Variants in CEP43 observed in about 807,000 individuals in gnomAD.
The protein encoded by CEP43 is centrosomal protein 43, also known as FGFR1 oncogene partner.
CEP43 carries 36 observed loss-of-function variants against 52.6 expected under a neutral mutation model. The observed-to-expected ratio is 0.68, with a 90% CI of 0.52 to 0.90. The LOEUF (loss-of-function observed/expected upper bound fraction) is 0.90. CEP43 is among the 40% of genes least tolerant of loss of function. The probability of loss-of-function intolerance (pLI) is 0.00; values close to 1 mark genes in which losing one functional copy is unlikely to be tolerated. For synonymous variants in CEP43, 192 were observed against 172.4 expected, an observed-to-expected ratio of 1.11 and a Z score of -0.89; for missense variants, 506 against 472.8, an observed-to-expected ratio of 1.07 and a Z score of -0.65.
chr6:167,030,077 G>A (rs1780434620), intron 10 of CEP43, among the ~76,000 whole-genome samples: 1 of 152,212 alleles, frequency 6.6e-6, no homozygotes, highest in Admixed American at 6.5e-5. Flanking sequence ...ATCTTCAATT[G>A]CTTCAGGCCA....
At chr6:167,013,409 G>A in intron 6 of CEP43, 99 bp from the exon 7 acceptor site, 3 of 969,132 alleles carry the variant, frequency 3.1e-6, no homozygotes, top group Non-Finnish European at 4.7e-6. Flanking sequence ...TTCCACTTCT[G>A]AGACATTTTT....
rs1780819972 is a variant in CEP43, at chr6:167,047,719, A to G, written c.*7741A>G. On this transcript the variant is annotated 3_prime_UTR_variant, in exon 13 of 13. Transcript: ENST00000366847. ...TCCTCAAAGCTCTCGCCCCGCGCCG[A>G]GCTACTGTGATGTATTTTTATGACC... 1 of 152,106 alleles carries G rather than the reference A, an allele frequency of 6.6e-6. No individual in the cohort carries two copies. Among genetic ancestry groups the G allele is most frequent in the Non-Finnish European group, 1.5e-5 (1 of 68,016 alleles). 9.4% of individuals were successfully genotyped at this position (152,106 alleles called of 1,614,324 possible).
intron 11 of CEP43, 50 bp downstream of exon 11, chr6:167,032,692 C>T: frequency 6.9e-7 from 1 of 1,454,110 alleles, no homozygotes; most frequent in South Asian, 1.4e-5. Context: ...TATTTGTAAA[C>T]AATTTCCGAA....
At position 167,041,170 on chromosome 6, in the gene CEP43, C is replaced by T. The variant is rs774200596; in HGVS notation, c.*1192C>T. 4 of 1,046,392 alleles carry T rather than the reference C, an allele frequency of 3.8e-6. No homozygotes were observed. The highest frequency in any genetic ancestry group is 4.6e-6 in the Non-Finnish European group (4 of 867,544). 64.8% of individuals were successfully genotyped at this position (1,046,392 alleles called of 1,614,324 possible). ...AGCAAATTAGACCTAATTCATTGAT[C>T]TCGGTTAAGTGAGCAGACTGCATGA... On this transcript the variant is annotated 3_prime_UTR_variant, in exon 13 of 13. Coordinates refer to ENST00000366847, the MANE Select transcript of CEP43 (RefSeq NM_007045.4).
In CEP43 at chr6:167,044,499, T is replaced by C; in HGVS notation, c.*4521T>C. 1 of 985,306 alleles carries C rather than the reference T, an allele frequency of 1.0e-6. No homozygotes were observed. Among genetic ancestry groups the C allele is most frequent in the South Asian group, 4.7e-5 (1 of 21,274 alleles). The allele number at this position is 985,306 out of a possible 1,614,324, so 61.0% of individuals were successfully genotyped here. ...CCGAGGAAGTCAGATTGGAAAAGTGTCCTCAGGTTCAAGGAAACCTGGGTG... is the reference window on the plus strand; with the variant it reads ...CCGAGGAAGTCAGATTGGAAAAGTGCCCTCAGGTTCAAGGAAACCTGGGTG... On this transcript the variant is annotated 3_prime_UTR_variant, in exon 13 of 13. Transcript: ENST00000366847.
chr6:167,014,908 T>C (rs1780060321), intron 7 of CEP43, among the ~76,000 whole-genome samples: 1 of 152,234 alleles, frequency 6.6e-6, no homozygotes, highest in East Asian at 1.9e-4. Flanking sequence ...TAAAAATCAG[T>C]TTCTTGGGCT....
Position 167,040,555 on chromosome 6 carries a change from A to G in CEP43, c.*577A>G, listed in dbSNP as rs1168429388. 7 of 1,088,546 alleles carry G rather than the reference A, an allele frequency of 6.4e-6. No individual in the cohort carries two copies. In the East Asian group the frequency reaches 2.5e-4, roughly 38 times the overall value. 67.4% of individuals were successfully genotyped at this position (1,088,546 alleles called of 1,614,324 possible). On this transcript the variant is annotated 3_prime_UTR_variant, in exon 13 of 13. Transcript: ENST00000366847. ...AGGTTTGTTAGACCATTAAGGTTAT[A>G]TTAAAGTACTCTTGTGTGTGCTATT... is the stretch of plus-strand genomic sequence containing the variant.
intron 10 of CEP43, among the ~76,000 whole-genome samples, chr6:167,030,450 C>A (rs1473551448): frequency 6.6e-6 from 1 of 152,226 alleles, no homozygotes; most frequent in African/African-American, 2.4e-5. Context: ...CAAGCACTTG[C>A]AGCCCTTTAA....
rs1164299156 is a variant in CEP43, at chr6:167,017,402, TGTGTAGGCTATG to T, written c.579+3836_579+3847del. ...ATGATTCAAAGCATATGGGAGGATG[TGTGTAGGCTATG>T]TGCAAATACTACAGCATTTTATACG... On this transcript the variant is annotated intron_variant, in intron 7 of 12. Transcript: ENST00000366847. 3.3e-5 allele frequency among the ~76,000 whole-genome samples: 5 copies of T among 152,190 alleles called. No homozygotes were observed. The East Asian group carries it at 9.6e-4, about 29-fold the overall frequency.
intron 6 of CEP43, among the ~76,000 whole-genome samples, chr6:167,013,038 C>T (rs1780019260): frequency 6.6e-6 from 1 of 152,168 alleles, no homozygotes; most frequent in Non-Finnish European, 1.5e-5. Context: ...CGTCTTCTTG[C>T]TAGCTACCTC....
intron 8 of CEP43, among the ~76,000 whole-genome samples, chr6:167,024,296 A>C (rs1478841776): frequency 6.6e-6 from 1 of 152,230 alleles, no homozygotes; most frequent in African/African-American, 2.4e-5. Context: ...AAGTAAGGCG[A>C]GAAGGCACTG....
At chr6:167,006,111 G>A (rs1265444624) in intron 5 of CEP43, among the ~76,000 whole-genome samples, 1 of 152,236 alleles carries the variant, frequency 6.6e-6, no homozygotes, top group Non-Finnish European at 1.5e-5. Flanking sequence ...TACAGGTCTG[G>A]AGGGGGTCTG....
chr6:167,014,822 T>C (rs1439757308), intron 7 of CEP43, among the ~76,000 whole-genome samples: 1 of 152,260 alleles, frequency 6.6e-6, no homozygotes, highest in African/African-American at 2.4e-5. Context: ...AACACAGTTC[T>C]CACTTAAGGA....
intron 6 of CEP43, among the ~76,000 whole-genome samples, chr6:167,012,287 A>G (rs16899770): frequency 0.02 from 3,085 of 152,208 alleles, 52 homozygotes; most frequent in East Asian, 0.091. Flanking sequence ...TTCATTTCTA[A>G]CCAAAGAAAC....
chr6:167,006,957 CAA>C (rs1779869055), intron 5 of CEP43, among the ~76,000 whole-genome samples: 1 of 152,166 alleles, frequency 6.6e-6, no homozygotes, highest in African/African-American at 2.4e-5. Context: ...AACATAAAGA[CAA>C]AAGCAAATCC....
In CEP43 at chr6:167,047,965, A is replaced by G. The variant is rs757632842; in HGVS notation, c.*7987A>G. On this transcript the variant is annotated 3_prime_UTR_variant, in exon 13 of 13. Coordinates refer to ENST00000366847, the MANE Select transcript of CEP43 (RefSeq NM_007045.4). ...CTAGAAAAACAACAATTCTTAGTAT[A>G]CCACAGACTGTGGTGCCTAGGAATA... 2 of 152,188 alleles carry G rather than the reference A, an allele frequency of 1.3e-5. No homozygotes were observed. The highest frequency in any genetic ancestry group is 2.9e-5 in the Non-Finnish European group (2 of 68,040). 9.4% of individuals were successfully genotyped at this position (152,188 alleles called of 1,614,324 possible).
intron 5 of CEP43, among the ~76,000 whole-genome samples, chr6:167,008,694 C>T (rs1583271288): frequency 6.6e-6 from 1 of 151,920 alleles, no homozygotes; most frequent in South Asian, 2.1e-4. Flanking sequence ...CCAGGATGGT[C>T]TCAATCTCTG....
intron 8 of CEP43, 113 bp downstream of exon 8, chr6:167,022,748 T>G: frequency 2.8e-6 from 2 of 721,112 alleles, no homozygotes; most frequent in Non-Finnish European, 4.5e-6. Context: ...ATTGGATCCA[T>G]AAATCTGACT....
intron 5 of CEP43, among the ~76,000 whole-genome samples, chr6:167,009,533 A>C (rs1779935955): frequency 2.3e-5 from 3 of 131,754 alleles, no homozygotes; most frequent in Non-Finnish European, 3.2e-5. Flanking sequence ...AAAAAAATAC[A>C]AGGAATTAGC....
Sources: gnomAD v4.1 joint callset for allele counts (sites outside exome capture counted in the v4.1 genomes callset) on GRCh38, gnomAD v4.1.1 for gene constraint, MANE v1.5 for transcripts, NCBI Gene and HGNC (gene_info 2026-07-23, HGNC 2026-07-21) for gene names.